The following CAMK1D variants were observed in gnomAD, a reference collection of about 807,000 sequenced individuals.
CAMK1D encodes calcium/calmodulin-dependent protein kinase type 1D.
CAMK1D carries 9 observed loss-of-function variants against 47.7 expected under a neutral mutation model. The ratio of observed to expected loss-of-function variants is 0.19; its 90% CI spans 0.11 to 0.33. The LOEUF (loss-of-function observed/expected upper bound fraction) is 0.33, where lower values mean the gene tolerates loss of function less well. Among genes scored for constraint, CAMK1D ranks in the 10% least tolerant of loss-of-function variants. The probability of loss-of-function intolerance (pLI) is 1.00; values close to 1 mark genes in which losing one functional copy is unlikely to be tolerated. For missense variants in CAMK1D, 291 were observed against 488.7 expected, an observed-to-expected ratio of 0.60 and a Z score of 3.81; for synonymous variants, 184 against 184.9, an observed-to-expected ratio of 0.99 and a Z score of 0.04.
chr10:12,816,999 T>C (rs60268666), intron 8 of CAMK1D, among the ~76,000 whole-genome samples: 1 of 144,898 alleles, frequency 6.9e-6, no homozygotes, highest in East Asian at 2.3e-4. Flanking sequence ...AGGCAAGGAG[T>C]AGCAAGTCAT....
At chr10:12,593,519 G>T (rs934735755) in intron 2 of CAMK1D, among the ~76,000 whole-genome samples, 9 of 152,186 alleles carry the variant, frequency 5.9e-5, no homozygotes, top group Non-Finnish European at 1.3e-4. Context: ...GAACCCGGGA[G>T]GCGGAGGTTG....
At chr10:12,682,198 C>T (rs879632331) in intron 3 of CAMK1D, among the ~76,000 whole-genome samples, 6 of 151,604 alleles carry the variant, frequency 4.0e-5, no homozygotes, top group Non-Finnish European at 5.9e-5. Context: ...CCAGCCTGGG[C>T]GACAGAGTGA....
chr10:12,519,236 C>T (rs1171027013), intron 1 of CAMK1D, among the ~76,000 whole-genome samples: 5 of 64,588 alleles, frequency 7.7e-5, no homozygotes, highest in African/African-American at 3.1e-4. Flanking sequence ...GCTGGCCGGG[C>T]GGGGGGCTGA....
intron 1 of CAMK1D, among the ~76,000 whole-genome samples, chr10:12,447,960 T>C (rs543868841): frequency 1.3e-5 from 2 of 152,320 alleles, no homozygotes; most frequent in Non-Finnish European, 2.9e-5. Context: ...CAAGTGATTG[T>C]CCTGCCTCAG....
chr10:12,673,690 G>C (rs1389880270), intron 3 of CAMK1D, among the ~76,000 whole-genome samples: 2 of 152,158 alleles, frequency 1.3e-5, no homozygotes, highest in African/African-American at 4.8e-5. Context: ...AAAATATTTT[G>C]TGTTAGACAT....
At chr10:12,591,523 ACTT>A (rs1377134174) in intron 2 of CAMK1D, among the ~76,000 whole-genome samples, 2 of 152,178 alleles carry the variant, frequency 1.3e-5, no homozygotes, top group Non-Finnish European at 2.9e-5. Context: ...ACAGTGGCTG[ACTT>A]CTTATTATAG....
chr10:12,694,469 T>TATATAAA (rs1833160638), intron 3 of CAMK1D, among the ~76,000 whole-genome samples: 1 of 107,900 alleles, frequency 9.3e-6, no homozygotes, highest in African/African-American at 3.6e-5. Flanking sequence ...TTATATATCA[T>TATATAAA]ATATAAAATA....
At chr10:12,520,400 T>C (rs12354106) in intron 1 of CAMK1D, among the ~76,000 whole-genome samples, 23,694 of 66,582 alleles carry the variant, frequency 0.36, 7,692 homozygotes, top group East Asian at 0.56. Context: ...TCCTCACTTC[T>C]TAGATGGGAT....
intron 2 of CAMK1D, among the ~76,000 whole-genome samples, chr10:12,648,844 G>A (rs1470736303): frequency 6.6e-6 from 1 of 151,958 alleles, no homozygotes; most frequent in Non-Finnish European, 1.5e-5. Context: ...GTGTTCATCT[G>A]AAGAGATTTT....
At chr10:12,496,220 G>A (rs1320253609) in intron 1 of CAMK1D, among the ~76,000 whole-genome samples, 1 of 152,158 alleles carries the variant, frequency 6.6e-6, no homozygotes, top group Non-Finnish European at 1.5e-5. Context: ...TATGAAGTTG[G>A]TGTTAAGTTT....
At chr10:12,458,724 C>T (rs757830096) in intron 1 of CAMK1D, among the ~76,000 whole-genome samples, 9 of 152,044 alleles carry the variant, frequency 5.9e-5, no homozygotes, top group East Asian at 3.9e-4. Context: ...TGAGTCACTG[C>T]GCCTGGCCCT....
chr10:12,601,202 T>G (rs1353132868), intron 2 of CAMK1D, among the ~76,000 whole-genome samples: 1 of 151,756 alleles, frequency 6.6e-6, no homozygotes, highest in Non-Finnish European at 1.5e-5. Context: ...TGTTTTTTTT[T>G]TTTTTTTGCT....
intron 2 of CAMK1D, among the ~76,000 whole-genome samples, chr10:12,575,366 C>T (rs560533754): frequency 1.2e-3 from 180 of 152,314 alleles, no homozygotes; most frequent in African/African-American, 4.1e-3. Flanking sequence ...GCTGGGATTA[C>T]AGGTGTGAGC....
chr10:12,663,677 A>G (rs1225204503), intron 2 of CAMK1D, among the ~76,000 whole-genome samples: 2 of 152,146 alleles, frequency 1.3e-5, no homozygotes, highest in Non-Finnish European at 2.9e-5. Flanking sequence ...CAGGCACCCA[A>G]CAGATATTTA....
Position 12,670,788 on chromosome 10 carries a change from AT to A in CAMK1D, c.299+3979del, listed in dbSNP as rs1280041544. Among the ~76,000 whole-genome samples, 6 of 152,220 alleles carry A rather than the reference AT, an allele frequency of 3.9e-5. 1 individual carries two copies. The highest frequency in any genetic ancestry group is 1.4e-4 in the African/African-American group (6 of 41,542). ...GGTCTTGAACTCCTGACCTCAGGTG[AT>A]CCACCCACCTCAGCTTCCCAAAGTG... On this transcript the variant is annotated intron_variant, in intron 3 of 10. Coordinates refer to ENST00000619168, the MANE Select transcript of CAMK1D (RefSeq NM_153498.4).
At chr10:12,530,135 G>A (rs968334307) in intron 1 of CAMK1D, among the ~76,000 whole-genome samples, 4 of 152,198 alleles carry the variant, frequency 2.6e-5, no homozygotes, top group Non-Finnish European at 4.4e-5. Flanking sequence ...CTACAGCTCT[G>A]GTGTTGGGAT....
chr10:12,745,304 A>G (rs1423721537), intron 3 of CAMK1D, among the ~76,000 whole-genome samples: 1 of 152,190 alleles, frequency 6.6e-6, no homozygotes, highest in Non-Finnish European at 1.5e-5. Flanking sequence ...TGCTGGGATT[A>G]CAGGTGTGAG....
At chr10:12,541,039 T>G (rs1165218617) in intron 1 of CAMK1D, among the ~76,000 whole-genome samples, 1 of 152,224 alleles carries the variant, frequency 6.6e-6, no homozygotes. Flanking sequence ...AGACACATTT[T>G]AATGAATAGA....
intron 3 of CAMK1D, among the ~76,000 whole-genome samples, chr10:12,748,911 A>G (rs1225466795): frequency 6.6e-6 from 1 of 152,166 alleles, no homozygotes; most frequent in African/African-American, 2.4e-5. Context: ...GAGTGCTTTG[A>G]TGAAAACAGA....
Sources: allele counts gnomAD v4.1 joint callset (sites outside exome capture counted in the v4.1 genomes callset), GRCh38; gene constraint gnomAD v4.1.1; transcripts MANE v1.5; gene names NCBI Gene and HGNC (gene_info 2026-07-23, HGNC 2026-07-21).